BRD10: variants seen among roughly 807,000 people sequenced by gnomAD.
BRD10 encodes the protein uncharacterized bromodomain-containing protein 10.
the BRD10 span, among the ~76,000 whole-genome samples, chr9:5,997,362 G>A: frequency 1.3e-5 from 2 of 152,152 alleles, no homozygotes; most frequent in African/African-American, 4.8e-5. Flanking sequence ...AACAAAACAT[G>A]GGTGATGCAA....
At chr9:5,921,475 A>C in the BRD10 span, 1 of 1,613,990 alleles carries the variant, frequency 6.2e-7, no homozygotes, top group Non-Finnish European at 8.5e-7. Context: ...CATTAATAAA[A>C]ACTAATTTCT....
chr9:5,921,118 TG>T, the BRD10 span: 1 of 1,613,934 alleles, frequency 6.2e-7, no homozygotes, highest in Non-Finnish European at 8.5e-7. Flanking sequence ...TTGAGCTTAC[TG>T]GAACTGAATT....
chr9:5,976,937 A>G, the BRD10 span, among the ~76,000 whole-genome samples: 2 of 152,236 alleles, frequency 1.3e-5, no homozygotes, highest in African/African-American at 2.4e-5. Flanking sequence ...GTTGGAGTAG[A>G]TGAAAAAACT....
At chr9:5,920,849 C>T in the BRD10 span, 3 of 1,613,824 alleles carry the variant, frequency 1.9e-6, no homozygotes, top group Non-Finnish European at 2.5e-6. Context: ...TGCAAGGTGT[C>T]CTGTTTTCAC....
At chr9:5,909,546 C>T in the BRD10 span, 1 of 152,308 alleles carries the variant, frequency 6.6e-6, no homozygotes, top group Non-Finnish European at 1.5e-5. Flanking sequence ...GCGTGAGCCA[C>T]CACGCCTGGC....
chr9:5,888,269 T>A, the BRD10 span, among the ~76,000 whole-genome samples: 1 of 152,234 alleles, frequency 6.6e-6, no homozygotes, highest in Non-Finnish European at 1.5e-5. Flanking sequence ...ATCATGATGT[T>A]AAGTAGAATC....
the BRD10 span, chr9:5,922,696 C>T: frequency 1.9e-6 from 3 of 1,613,960 alleles, no homozygotes; most frequent in Non-Finnish European, 2.5e-6. Flanking sequence ...GAACTTGCTG[C>T]ATGATTTTTT....
chr9:5,917,165 A>G, the BRD10 span, among the ~76,000 whole-genome samples: 1 of 152,252 alleles, frequency 6.6e-6, no homozygotes, highest in East Asian at 1.9e-4. Context: ...CTGAAATTAA[A>G]TAATTTCAAA....
the BRD10 span, among the ~76,000 whole-genome samples, chr9:5,964,430 A>T: frequency 6.6e-6 from 1 of 151,038 alleles, no homozygotes; most frequent in Non-Finnish European, 1.5e-5. Flanking sequence ...GGATGTGGAG[A>T]AATAGGAACA....
the BRD10 span, among the ~76,000 whole-genome samples, chr9:5,893,131 T>C: frequency 6.6e-6 from 1 of 152,220 alleles, no homozygotes; most frequent in East Asian, 1.9e-4. Flanking sequence ...TATACTGGCG[T>C]GAGACACTGT....
At chr9:6,004,188 C>G in the BRD10 span, among the ~76,000 whole-genome samples, 17 of 152,312 alleles carry the variant, frequency 1.1e-4, no homozygotes, top group South Asian at 2.9e-3. Context: ...CACATTCACC[C>G]CTTCCGCTTC....
chr9:5,983,962 T>TAC, the BRD10 span, among the ~76,000 whole-genome samples: 46,740 of 129,400 alleles, frequency 0.36, 8,907 homozygotes, highest in East Asian at 0.56. Context: ...GTATATGCAT[T>TAC]ACACACACAC....
At chr9:5,922,055 A>G in the BRD10 span, 14 of 1,613,896 alleles carry the variant, frequency 8.7e-6, no homozygotes, top group Admixed American at 6.7e-5. Context: ...CTGAGGAGCA[A>G]AAGTGAAAAC....
chr9:5,976,030 T>C, the BRD10 span, among the ~76,000 whole-genome samples: 1 of 151,996 alleles, frequency 6.6e-6, no homozygotes, highest in Non-Finnish European at 1.5e-5. Flanking sequence ...AATCAAGAAA[T>C]AGCAACATAG....
chr9:5,988,459 G>C, the BRD10 span: 2 of 1,613,804 alleles, frequency 1.2e-6, no homozygotes, highest in East Asian at 2.2e-5. Context: ...CCGACGCCTT[G>C]TTGAGGTACA....
At chr9:5,904,287 G>C in the BRD10 span, among the ~76,000 whole-genome samples, 1 of 152,174 alleles carries the variant, frequency 6.6e-6, no homozygotes, top group South Asian at 2.1e-4. Flanking sequence ...GGTGCATTTA[G>C]ACCATTGATA....
the BRD10 span, among the ~76,000 whole-genome samples, chr9:5,977,830 G>A: frequency 6.6e-6 from 1 of 151,922 alleles, no homozygotes; most frequent in African/African-American, 2.4e-5. Flanking sequence ...GCGAGACTCC[G>A]TCTCAAAAAA....
the BRD10 span, among the ~76,000 whole-genome samples, chr9:5,988,997 G>A: frequency 1.8e-4 from 28 of 152,170 alleles, no homozygotes; most frequent in Non-Finnish European, 3.8e-4. Flanking sequence ...TTGGGAGGCC[G>A]AGGCAGGCGA....
At chr9:5,936,462 A>T in the BRD10 span, among the ~76,000 whole-genome samples, 3 of 152,214 alleles carry the variant, frequency 2.0e-5, no homozygotes, top group Admixed American at 6.6e-5. Context: ...TTAGAATTAC[A>T]TCTTAAAGAA....
Sources: gnomAD v4.1 joint callset for allele counts (sites outside exome capture counted in the v4.1 genomes callset) on GRCh38, gnomAD v4.1.1 for gene constraint, MANE v1.5 for transcripts, NCBI Gene and HGNC (gene_info 2026-07-23, HGNC 2026-07-21) for gene names.